The following AIG1 variants were observed in gnomAD, a reference collection of about 807,000 sequenced individuals.
The protein encoded by AIG1 is androgen induced 1, also known as androgen-induced gene 1 protein.
A neutral mutation model predicts 31.4 loss-of-function variants in AIG1; 23 were observed. The observed-to-expected ratio is 0.73, with a 90% confidence interval of 0.53 to 1.04. The LOEUF (loss-of-function observed/expected upper bound fraction) is 1.04. Ranked by LOEUF, AIG1 falls within the 50% of genes least tolerant of loss-of-function variation. The pLI is 0.00. For synonymous variants in AIG1, 100 were observed against 110.5 expected (o/e 0.90, Z 0.60); for missense variants, 274 against 295.0 (o/e 0.93, Z 0.52).
chr6:143,223,984 C>A (rs1792737521), intron 3 of AIG1, among the ~76,000 whole-genome samples: 1 of 151,986 alleles, frequency 6.6e-6, no homozygotes, highest in Admixed American at 6.6e-5. Context: ...CCTCATAAGA[C>A]CTCCTCCTCC....
chr6:143,292,437 T>G lies in AIG1; in HGVS notation c.515+8212T>G, dbSNP rs1230196700. ...GATGCAGTGGAGAAAGGACTTGAAC[T>G]GCCGTCACTGGCTTTGAAGACAGAG... On this transcript the variant is annotated intron_variant, in intron 4 of 5. Transcript: ENST00000357847. This position sits in a 1 kb window ranked among gnomAD's most constrained non-coding sequence, Gnocchi z 4.9. Among the ~76,000 whole-genome samples, 1 of 152,148 alleles carries G rather than the reference T, an allele frequency of 6.6e-6. No homozygotes were observed. Among genetic ancestry groups the G allele is most frequent in the African/African-American group, 2.4e-5 (1 of 41,418 alleles).
At chr6:143,318,230 C>T (rs1775924162) in intron 4 of AIG1, among the ~76,000 whole-genome samples, 1 of 152,238 alleles carries the variant, frequency 6.6e-6, no homozygotes, top group East Asian at 1.9e-4. Flanking sequence ...AGACTTCAAA[C>T]TATACTGTAA....
intron 1 of AIG1, among the ~76,000 whole-genome samples, chr6:143,102,558 A>G (rs1475446373): frequency 6.8e-6 from 1 of 147,778 alleles, no homozygotes; most frequent in Non-Finnish European, 1.5e-5. Flanking sequence ...ATAAAAGATA[A>G]TGTTATATAA....
intron 4 of AIG1, among the ~76,000 whole-genome samples, chr6:143,303,076 G>A (rs1461413896): frequency 2.6e-5 from 4 of 151,936 alleles, no homozygotes; most frequent in Non-Finnish European, 4.4e-5. Context: ...GGGATTTTTT[G>A]TTTTTTTCTT....
chr6:143,265,555 A>C (rs9496548), intron 3 of AIG1, among the ~76,000 whole-genome samples: 8,415 of 152,206 alleles, frequency 0.055, 587 homozygotes, highest in African/African-American at 0.16. Flanking sequence ...TCACAGTGAG[A>C]TTTTGGAGCT....
At chr6:143,096,621 C>T (rs1779825116) in intron 1 of AIG1, among the ~76,000 whole-genome samples, 1 of 152,152 alleles carries the variant, frequency 6.6e-6, no homozygotes, top group Admixed American at 6.5e-5. Flanking sequence ...TGTAAATAGA[C>T]TTATGCTTAA....
Position 143,334,042 on chromosome 6 carries a change from G to T in AIG1, c.679+597G>T. 6.5e-7 allele frequency: 1 copy of T among 1,549,524 alleles called. No individual in the cohort carries two copies. Among genetic ancestry groups the T allele is most frequent in the Non-Finnish European group, 8.7e-7 (1 of 1,146,418 alleles). On this transcript the variant is annotated intron_variant, in intron 5 of 5. Coordinates refer to ENST00000357847, the MANE Select transcript of AIG1 (RefSeq NM_016108.4). This position sits in a 1 kb window ranked among gnomAD's most constrained non-coding sequence, Gnocchi z 5.1. ...GTGGCTGGAAAAACTCTTTTAACCT[G>T]TGATTTGATTTCTCTTTTGTTTCCA... is the stretch of plus-strand genomic sequence containing the variant.
chr6:143,192,671 T>C (rs1789897566), intron 3 of AIG1, among the ~76,000 whole-genome samples: 1 of 151,984 alleles, frequency 6.6e-6, no homozygotes, highest in Non-Finnish European at 1.5e-5. Flanking sequence ...ATATTATGGC[T>C]AGTGCTCCTC....
At position 143,284,843 on chromosome 6, in the gene AIG1, G is replaced by A. The variant is rs187575721; in HGVS notation, c.515+618G>A. On this transcript the variant is annotated intron_variant, in intron 4 of 5. Transcript: ENST00000357847. The surrounding 1 kb of genome is among the most constrained non-coding windows in gnomAD (Gnocchi z 4.4). ...TCTGATAAAAGAATTTTTGCCTGGC[G>A]AGTCTACTTCACATTAATTTCAGTT... Among the ~76,000 whole-genome samples the A allele has an allele frequency of 9.9e-5, 15 of 152,228 alleles. No individual in the cohort carries two copies. The highest frequency in any genetic ancestry group is 3.1e-4 in the African/African-American group (13 of 41,522).
chr6:143,342,975 G>A, downstream of AIG1: 1 of 990,580 alleles, frequency 1.0e-6, no homozygotes, highest in Non-Finnish European at 1.6e-6. Context: ...GTCAAGAGCA[G>A]TTCATGGCAG....
chr6:143,134,269 C>T (rs1176256783), intron 1 of AIG1, among the ~76,000 whole-genome samples: 1 of 151,966 alleles, frequency 6.6e-6, no homozygotes, highest in African/African-American at 2.4e-5. Flanking sequence ...TCTAGAGGTA[C>T]CTTAATGCAA....
At chr6:143,336,953 A>G (rs1777537341) in intron 5 of AIG1, among the ~76,000 whole-genome samples, 4 of 152,212 alleles carry the variant, frequency 2.6e-5, no homozygotes, top group Admixed American at 2.6e-4. Context: ...ATGGTTCCCA[A>G]GCAAGTCTGA....
intron 3 of AIG1, among the ~76,000 whole-genome samples, chr6:143,273,673 T>TTA (rs1796697993): frequency 6.6e-6 from 1 of 152,164 alleles, no homozygotes; most frequent in African/African-American, 2.4e-5. Context: ...AAGGCATGTC[T>TTA]TACATGGTGG....
chr6:143,176,387 G>C (rs73777900), intron 3 of AIG1, among the ~76,000 whole-genome samples: 146 of 152,310 alleles, frequency 9.6e-4, no homozygotes, highest in African/African-American at 3.3e-3. Flanking sequence ...TTTCTCAGGT[G>C]GTGGGGCCGG....
At chr6:143,253,755 T>C (rs553557529) in intron 3 of AIG1, among the ~76,000 whole-genome samples, 1 of 152,302 alleles carries the variant, frequency 6.6e-6, no homozygotes, top group Admixed American at 6.5e-5. Context: ...TCAAACCGTC[T>C]TCAAATTCTT....
chr6:143,321,120 G>A (rs1019554228), intron 4 of AIG1, among the ~76,000 whole-genome samples: 4 of 151,564 alleles, frequency 2.6e-5, no homozygotes, highest in Non-Finnish European at 4.4e-5. Flanking sequence ...GCACCCGGCC[G>A]TGAGTAGATC....
At chr6:143,161,570 C>CATATAT (rs149355304) in intron 2 of AIG1, among the ~76,000 whole-genome samples, 2 of 146,086 alleles carry the variant, frequency 1.4e-5, no homozygotes, top group South Asian at 2.2e-4. Flanking sequence ...TGTGTGTGTA[C>CATATAT]ATATATATAT....
At chr6:143,144,304 A>C (rs1218010008) in intron 2 of AIG1, among the ~76,000 whole-genome samples, 1 of 152,244 alleles carries the variant, frequency 6.6e-6, no homozygotes, top group Admixed American at 6.5e-5. Flanking sequence ...CCTACTGTGT[A>C]GCAAGTACTG....
intron 1 of AIG1, among the ~76,000 whole-genome samples, chr6:143,073,856 A>ACAG (rs1400550709): frequency 6.6e-6 from 1 of 152,264 alleles, no homozygotes; most frequent in African/African-American, 2.4e-5. Flanking sequence ...TATCACAAGG[A>ACAG]CAGCAACAGG....
Sources: allele counts gnomAD v4.1 joint callset (sites outside exome capture counted in the v4.1 genomes callset), GRCh38; gene constraint gnomAD v4.1.1; non-coding constraint Gnocchi (gnomAD v3.1); transcripts MANE v1.5; gene names NCBI Gene and HGNC (gene_info 2026-07-23, HGNC 2026-07-21).